KGD4: variants seen among roughly 807,000 people sequenced by gnomAD.
KGD4 encodes alpha-ketoglutarate dehydrogenase component 4.
the KGD4 span, among the ~76,000 whole-genome samples, chr5:69,226,862 T>A: frequency 6.6e-6 from 1 of 150,526 alleles, no homozygotes; most frequent in Non-Finnish European, 1.5e-5. Context: ...AAAAAAAAAA[T>A]TATTACCTCT....
chr5:69,222,895 C>G, the KGD4 span, among the ~76,000 whole-genome samples: 1 of 151,160 alleles, frequency 6.6e-6, no homozygotes, highest in Non-Finnish European at 1.5e-5. Context: ...TCTGCCTTAG[C>G]CTCCCGAGTA....
the KGD4 span, among the ~76,000 whole-genome samples, chr5:69,221,284 T>G: frequency 6.6e-6 from 1 of 152,006 alleles, no homozygotes; most frequent in African/African-American, 2.4e-5. Flanking sequence ...GAAAGATCAC[T>G]TGAGCCCAGG....
At chr5:69,225,949 TC>T in the KGD4 span, among the ~76,000 whole-genome samples, 1 of 152,206 alleles carries the variant, frequency 6.6e-6, no homozygotes, top group East Asian at 1.9e-4. Context: ...CAGGCTGGTC[TC>T]AAACTCCTGC....
chr5:69,229,738 A>G, the KGD4 span: 1 of 153,208 alleles, frequency 6.5e-6, no homozygotes, highest in Non-Finnish European at 1.5e-5. Context: ...TAACTGGCTT[A>G]GTAAGTATAT....
the KGD4 span, among the ~76,000 whole-genome samples, chr5:69,222,231 G>T: frequency 6.6e-6 from 1 of 152,058 alleles, no homozygotes; most frequent in African/African-American, 2.4e-5. Context: ...CATAAGGAGA[G>T]TTTTTAACTC....
the KGD4 span, chr5:69,218,056 G>C: frequency 1.1e-6 from 1 of 921,302 alleles, no homozygotes; most frequent in Non-Finnish European, 1.6e-6. Context: ...CGGGCAGTGA[G>C]GTGGGTCCGG....
the KGD4 span, chr5:69,218,129 T>C: frequency 1.8e-6 from 1 of 541,682 alleles, no homozygotes; most frequent in African/African-American, 2.0e-5. Flanking sequence ...CTGTACCTAC[T>C]GCCGGGATCC....
At chr5:69,219,083 A>G in the KGD4 span, among the ~76,000 whole-genome samples, 1 of 152,234 alleles carries the variant, frequency 6.6e-6, no homozygotes, top group East Asian at 1.9e-4. Flanking sequence ...CCAGGAAAAT[A>G]AAAATTAAAA....
chr5:69,219,921 T>C, the KGD4 span, among the ~76,000 whole-genome samples: 2 of 152,150 alleles, frequency 1.3e-5, no homozygotes, highest in African/African-American at 2.4e-5. Flanking sequence ...CCTATAAAGC[T>C]AGGACTACAG....
At chr5:69,225,236 C>G in the KGD4 span, among the ~76,000 whole-genome samples, 4 of 148,786 alleles carry the variant, frequency 2.7e-5, no homozygotes, top group South Asian at 8.5e-4. Context: ...TCCCAAGTAG[C>G]TGGAACTACA....
the KGD4 span, among the ~76,000 whole-genome samples, chr5:69,225,519 C>T: frequency 2.6e-5 from 4 of 151,392 alleles, no homozygotes; most frequent in African/African-American, 9.7e-5. Flanking sequence ...CCTGCCTCAG[C>T]CTTCCAAAGT....
At chr5:69,226,497 C>A in the KGD4 span, 2 of 858,412 alleles carry the variant, frequency 2.3e-6, no homozygotes, top group South Asian at 3.3e-5. Context: ...ATTTTAAAAT[C>A]AGTTAAGACT....
chr5:69,222,779 C>T, the KGD4 span, among the ~76,000 whole-genome samples: 1 of 131,962 alleles, frequency 7.6e-6, no homozygotes, highest in Non-Finnish European at 1.6e-5. Context: ...AGTGAAGAAA[C>T]AGTTAATAGA....
At chr5:69,223,074 C>CTT in the KGD4 span, among the ~76,000 whole-genome samples, 56 of 59,100 alleles carry the variant, frequency 9.5e-4, no homozygotes, top group Admixed American at 1.7e-3. Flanking sequence ...CGGTGCGCAG[C>CTT]TTTTTTTTTT....
chr5:69,225,525 A>G, the KGD4 span, among the ~76,000 whole-genome samples: 5 of 149,786 alleles, frequency 3.3e-5, no homozygotes, highest in Non-Finnish European at 5.9e-5. Flanking sequence ...TCAGCCTTCC[A>G]AAGTGCTGGG....
the KGD4 span, among the ~76,000 whole-genome samples, chr5:69,218,644 A>T: frequency 6.6e-6 from 1 of 152,224 alleles, no homozygotes; most frequent in Non-Finnish European, 1.5e-5. Flanking sequence ...TAAAATTATT[A>T]TATAAGTGGA....
At chr5:69,228,427 C>G in the KGD4 span, 1 of 1,539,532 alleles carries the variant, frequency 6.5e-7, no homozygotes, top group Non-Finnish European at 8.8e-7. Context: ...CGCAAAACAC[C>G]ATAACATTTG....
At chr5:69,221,477 T>C in the KGD4 span, among the ~76,000 whole-genome samples, 1 of 152,036 alleles carries the variant, frequency 6.6e-6, no homozygotes, top group Non-Finnish European at 1.5e-5. Context: ...AAGGTAAAAA[T>C]AAAGAGATAG....
At chr5:69,224,031 T>TA in the KGD4 span, among the ~76,000 whole-genome samples, 253 of 114,986 alleles carry the variant, frequency 2.2e-3, no homozygotes, top group Middle Eastern at 5.1e-3. Flanking sequence ...AGACTCTGTC[T>TA]AAAAAAAAAA....
Sources: gnomAD v4.1 joint callset for allele counts (sites outside exome capture counted in the v4.1 genomes callset) on GRCh38, gnomAD v4.1.1 for gene constraint, MANE v1.5 for transcripts, NCBI Gene and HGNC (gene_info 2026-07-23, HGNC 2026-07-21) for gene names.